Variants in UTP18 observed in about 807,000 individuals in gnomAD.
UTP18 encodes the protein UTP18 small subunit processome component, also known as U3 small nucleolar RNA-associated protein 18 homolog.
A neutral mutation model predicts 61.1 loss-of-function variants in UTP18; 36 were observed. That is an observed-to-expected ratio of 0.59 (90% confidence interval 0.45 to 0.78). The LOEUF is 0.78. Ranked by LOEUF, UTP18 falls within the 30% of genes least tolerant of loss-of-function variation. UTP18 has a pLI of 0.00. For synonymous variants in UTP18, 282 were observed against 251.1 expected (o/e 1.12, Z -1.16); for missense variants, 753 against 693.9 (o/e 1.09, Z -0.96).
chr17:51,268,959 T>TA, intron 4 of UTP18, 55 bp downstream of exon 4: 2 of 1,550,852 alleles, frequency 1.3e-6, no homozygotes, highest in Non-Finnish European at 1.8e-6. Context: ...TCCTGTTCGT[T>TA]ATTATTTGAG....
At chr17:51,268,248 A>G (rs543905961) in intron 3 of UTP18, among the ~76,000 whole-genome samples, 46 of 152,154 alleles carry the variant, frequency 3.0e-4, no homozygotes, top group African/African-American at 9.9e-4. Flanking sequence ...GGATGGTCTC[A>G]ATCTCCTGAC....
At chr17:51,294,305 C>T (rs188497486) in intron 12 of UTP18, among the ~76,000 whole-genome samples, 176 of 151,116 alleles carry the variant, frequency 1.2e-3, no homozygotes, top group African/African-American at 4.0e-3. Flanking sequence ...CCCATTAACT[C>T]GTCATTTAGC....
At chr17:51,274,878 G>A (rs1239712475) in intron 5 of UTP18, among the ~76,000 whole-genome samples, 3 of 151,810 alleles carry the variant, frequency 2.0e-5, no homozygotes, top group Admixed American at 6.6e-5. Flanking sequence ...AGCTCTTTAC[G>A]GGTGAATTCA....
intron 2 of UTP18, 25 bp from the exon 3 acceptor site, chr17:51,266,157 A>G: frequency 1.3e-6 from 2 of 1,519,480 alleles, no homozygotes; most frequent in Non-Finnish European, 8.8e-7. Flanking sequence ...AAAGTTATTT[A>G]AAATATGCTG....
chr17:51,281,543 G>A (rs1904924616), intron 9 of UTP18, among the ~76,000 whole-genome samples: 1 of 152,104 alleles, frequency 6.6e-6, no homozygotes, highest in Non-Finnish European at 1.5e-5. Flanking sequence ...TAGAAATAGA[G>A]AATAGATTAG....
chr17:51,260,581 A>T lies in UTP18; in HGVS notation c.-4A>T, dbSNP rs1434992890. 6.2e-7 allele frequency: 1 copy of T among 1,611,414 alleles called. No homozygotes were observed. Among genetic ancestry groups the T allele is most frequent in the Non-Finnish European group, 8.5e-7 (1 of 1,179,312 alleles). ...AGCGCCTGCGTTTCTCCTCAAACCTAACGATGCCGCCGGAGCGGAGGAGAC... is the reference window on the plus strand; with the variant it reads ...AGCGCCTGCGTTTCTCCTCAAACCTTACGATGCCGCCGGAGCGGAGGAGAC... On this transcript the variant is annotated 5_prime_UTR_variant, in exon 1 of 14. Coordinates refer to ENST00000225298, the MANE Select transcript of UTP18 (RefSeq NM_016001.3).
intron 13 of UTP18, 92 bp from the exon 14 acceptor site, chr17:51,297,690 C>G (rs1182408914): frequency 3.6e-5 from 15 of 420,372 alleles, no homozygotes; most frequent in Non-Finnish European, 6.9e-5. Flanking sequence ...CAGTTTAGCT[C>G]TCCTGTCTCA....
intron 13 of UTP18, 52 bp downstream of exon 13, chr17:51,297,055 G>GGGTGTAT: frequency 6.7e-7 from 1 of 1,484,118 alleles, no homozygotes; most frequent in Non-Finnish European, 9.2e-7. Flanking sequence ...TACACCCATT[G>GGGTGTAT]CTGTCAGTTG....
In UTP18 at chr17:51,280,477, C is replaced by G. The variant is rs777916347; in HGVS notation, c.1202C>G (p.Ser401Trp). 1 of 1,613,524 alleles carries G rather than the reference C, an allele frequency of 6.2e-7. No homozygotes were observed. Among genetic ancestry groups the G allele is most frequent in the African/African-American group, 1.3e-5 (1 of 74,900 alleles). ...SSDSKKVYAS[S>W]GDGEVYVWDV... The stretch of plus-strand genomic sequence containing the variant: ...GATAGTAAGAAAGTATACGCCTCTT[C>G]GGGTAAGACAACGACATGAAAGAAG... Residue 401 changes from serine to tryptophan, a missense_variant and splice_region_variant, in exon 9 of 14, where the codon TCG (serine) becomes TGG (tryptophan). Physicochemically the swap from Ser to Trp is radical, Grantham distance 177. Transcript: ENST00000225298.
At chr17:51,263,583 T>C (rs2055530052) in intron 2 of UTP18, among the ~76,000 whole-genome samples, 197 bp downstream of exon 2, 2 of 152,240 alleles carry the variant, frequency 1.3e-5, no homozygotes, top group African/African-American at 4.8e-5. Context: ...CACACTTCTG[T>C]CTCAGTCTCC....
intron 6 of UTP18, 85 bp from the exon 7 acceptor site, chr17:51,277,045 T>C: frequency 2.1e-6 from 3 of 1,404,228 alleles, no homozygotes; most frequent in Admixed American, 2.1e-5. Flanking sequence ...TATTTTTAAA[T>C]GAACACTTGT....
At chr17:51,278,958 A>C (rs1263916403) in intron 7 of UTP18, among the ~76,000 whole-genome samples, 1 of 152,166 alleles carries the variant, frequency 6.6e-6, no homozygotes, top group Non-Finnish European at 1.5e-5. Flanking sequence ...GGGAGACAGG[A>C]CTAGAGTGGG....
Position 51,288,031 on chromosome 17 carries a change from C to A in UTP18, c.1331C>A (p.Ser444Tyr). The part of the protein sequence containing the change: ...SRNGQYVACG[S>Y]NCGVVNIYNQ... ...TTTTAATCCTTTTCTCTTTGTAGTT[C>A]TAATTGTGGAGTGGTAAATATATAC... Residue 444 changes from serine to tyrosine, a missense_variant and splice_region_variant, in exon 11 of 14, where the codon TCT (serine) becomes TAT (tyrosine). Ser to Tyr is a moderately radical substitution (Grantham distance 144). Transcript: ENST00000225298. The A allele has an allele frequency of 6.4e-7, 1 of 1,567,654 alleles. No individual in the cohort carries two copies. Among genetic ancestry groups the A allele is most frequent in the South Asian group, 1.2e-5 (1 of 81,774 alleles).
At chr17:51,264,382 A>G (rs2055538544) in intron 2 of UTP18, among the ~76,000 whole-genome samples, 1 of 152,198 alleles carries the variant, frequency 6.6e-6, no homozygotes, top group South Asian at 2.1e-4. Flanking sequence ...TTCAGCATTA[A>G]TGTTTATCAC....
At chr17:51,289,200 GTTT>G (rs34538423) in intron 11 of UTP18, among the ~76,000 whole-genome samples, 19 of 137,638 alleles carry the variant, frequency 1.4e-4, no homozygotes, top group South Asian at 4.5e-4. Context: ...TGTTTTTTTT[GTTT>G]TTTTTTTTTT....
chr17:51,265,654 C>T (rs747156862), intron 2 of UTP18, among the ~76,000 whole-genome samples: 3 of 149,292 alleles, frequency 2.0e-5, no homozygotes, highest in African/African-American at 5.0e-5. Flanking sequence ...ACCTCTGCCT[C>T]CTGGGTTCAA....
intron 13 of UTP18, 125 bp downstream of exon 13, chr17:51,297,128 G>C: frequency 1.3e-6 from 1 of 793,900 alleles, no homozygotes; most frequent in Non-Finnish European, 1.9e-6. Context: ...TCTTTATTTA[G>C]AGGGGTGGGT....
intron 9 of UTP18, among the ~76,000 whole-genome samples, chr17:51,281,688 ATGT>A (rs1425517907): frequency 2.0e-5 from 3 of 152,222 alleles, no homozygotes; most frequent in East Asian, 1.9e-4. Flanking sequence ...CCTGGTTGTA[ATGT>A]TGTCCTGTAG....
chr17:51,268,871 G>A lies in UTP18; in HGVS notation c.589G>A (p.Ala197Thr). 1 of 1,613,878 alleles carries A rather than the reference G, an allele frequency of 6.2e-7. No individual in the cohort carries two copies. Among genetic ancestry groups the A allele is most frequent in the African/African-American group, 1.3e-5 (1 of 75,020 alleles). ...TGCCATGGGAGGAGTACCTGCCTGG[G>A]CAGAGACTACTAAGCGGAAAACATC... ...QHAMGGVPAWAETTKRKTSSD... is the reference protein window; with the variant it reads ...QHAMGGVPAWTETTKRKTSSD... The change falls in exon 4 of 14, where the codon GCA becomes ACA. Residue 197 changes from alanine to threonine, a missense_variant. By Grantham distance (58) the Ala-to-Thr change is moderately conservative. Coordinates refer to ENST00000225298, the MANE Select transcript of UTP18 (RefSeq NM_016001.3).
Sources: allele counts gnomAD v4.1 joint callset (sites outside exome capture counted in the v4.1 genomes callset), GRCh38; gene constraint gnomAD v4.1.1; transcripts MANE v1.5; gene names NCBI Gene and HGNC (gene_info 2026-07-23, HGNC 2026-07-21).